Variants in CADM2 observed in about 807,000 individuals in gnomAD.
CADM2 encodes immunoglobulin superfamily member 4D.
In CADM2, 12 loss-of-function variants were observed where a neutral mutation model predicts 49.8. The observed-to-expected ratio is 0.24, with a 90% confidence interval of 0.15 to 0.39. The LOEUF is 0.39. Ranked by LOEUF, CADM2 falls within the 10% of genes least tolerant of loss-of-function variation. The pLI, the probability that CADM2 is intolerant of heterozygous loss-of-function variation, is 1.00. For synonymous variants in CADM2, 214 were observed against 175.4 expected (o/e 1.22, Z -1.74); for missense variants, 378 against 492.3 (o/e 0.77, Z 2.20).
At chr3:85,807,372 G>A (rs1214921417) in intron 3 of CADM2, among the ~76,000 whole-genome samples, 1 of 151,852 alleles carries the variant, frequency 6.6e-6, no homozygotes, top group African/African-American at 2.4e-5. Context: ...GGTGGCGGAT[G>A]CCAATAACCC....
At chr3:85,662,578 C>A (rs896386963) in intron 1 of CADM2, among the ~76,000 whole-genome samples, 1 of 152,014 alleles carries the variant, frequency 6.6e-6, no homozygotes, top group Non-Finnish European at 1.5e-5. Flanking sequence ...ACCATTCCTC[C>A]CAGATGGAGC....
rs72917433 is a variant in CADM2 at position 84,963,321 on chromosome 3, C to T, written c.61+3653C>T. Among the ~76,000 whole-genome samples the T allele has an allele frequency of 4.7e-3, 715 of 152,284 alleles. 4 individuals carry two copies. Among genetic ancestry groups the T allele is most frequent in the African/African-American group, 0.017 (688 of 41,552 alleles). On this transcript the variant is annotated intron_variant, in intron 1 of 9. Transcript: ENST00000383699. Reference sequence around the variant, plus strand: ...ACAGTAGATCCAGTTCAATTGCTAACCCTTGCTGAAACCTTATGCCTTTCC... The same window carrying T: ...ACAGTAGATCCAGTTCAATTGCTAATCCTTGCTGAAACCTTATGCCTTTCC...
chr3:85,212,873 T>TCTTTCTTTCTTTCTTTCTTTCTTTCTTC (rs2041826238), intron 1 of CADM2, among the ~76,000 whole-genome samples: 1 of 130,566 alleles, frequency 7.7e-6, no homozygotes, highest in East Asian at 2.1e-4. Flanking sequence ...TTTCTTTCTT[T>TCTTTCTTTCTTTCTTTCTTTCTTTCTTC]CTTTCTTTCT....
chr3:85,910,723 A>C (rs554380777), intron 5 of CADM2, among the ~76,000 whole-genome samples: 2 of 152,122 alleles, frequency 1.3e-5, no homozygotes, highest in African/African-American at 4.8e-5. Context: ...CCTAACATAC[A>C]TAAAACATTT....
At chr3:84,966,069 A>G (rs2030961271) in intron 1 of CADM2, among the ~76,000 whole-genome samples, 1 of 152,222 alleles carries the variant, frequency 6.6e-6, no homozygotes, top group Admixed American at 6.5e-5. Context: ...CATGTTATAC[A>G]TACTGATTTT....
chr3:85,387,459 G>A (rs2034293732), intron 1 of CADM2, among the ~76,000 whole-genome samples: 1 of 152,000 alleles, frequency 6.6e-6, no homozygotes, highest in Non-Finnish European at 1.5e-5. Flanking sequence ...TAAAGTTGGT[G>A]TTCATTTTAT....
Position 84,959,437 on chromosome 3 carries a change from G to T in CADM2, c.-171G>T, listed in dbSNP as rs912936380. On this transcript the variant is annotated 5_prime_UTR_variant, in exon 1 of 10. Coordinates refer to ENST00000383699, the MANE Select transcript of CADM2 (RefSeq NM_001167675.2). ...ATTCTGCGGGTGCTTTGCCGCTGCC[G>T]CTTCTGCTGCCGCCGATCCGAGTCC... 6.6e-6 allele frequency: 4 copies of T among 606,910 alleles called. No individual in the cohort carries two copies. In the South Asian group the frequency reaches 8.0e-5, roughly 12 times the overall value. The allele number at this position is 606,910 out of a possible 1,614,324, so 37.6% of individuals were successfully genotyped here. A position where few individuals can be genotyped will look rare whatever the true frequency, so the allele number is the denominator to read the frequency against.
At chr3:85,937,384 A>G (rs746620441) in intron 7 of CADM2, among the ~76,000 whole-genome samples, 2 of 151,874 alleles carry the variant, frequency 1.3e-5, no homozygotes, top group African/African-American at 4.8e-5. Context: ...CCTGATTACT[A>G]TCATTTTGCA....
At chr3:85,960,051 G>A (rs1359545811) in intron 7 of CADM2, among the ~76,000 whole-genome samples, 2 of 151,906 alleles carry the variant, frequency 1.3e-5, no homozygotes, top group Admixed American at 6.6e-5. Context: ...GGAGCACTAT[G>A]TTAGGAGCTG....
rs60602469 is a variant in CADM2, at chr3:85,563,411, T to TGGGGGGGG, written c.62-163104_62-163103insGGGGGGGG. 4.2e-4 allele frequency among the ~76,000 whole-genome samples: 59 copies of TGGGGGGGG among 142,070 alleles called. 1 individual carries two copies. The highest frequency in any genetic ancestry group is 3.7e-3 in the Middle Eastern group (1 of 268). The allele number at this position is 142,070 out of a possible 152,430, so 93.2% of individuals were successfully genotyped here. A position where few individuals can be genotyped will look rare whatever the true frequency, so the allele number is the denominator to read the frequency against. ...AAAACAGGGAATTTTTGTGTGTGTG[T>TGGGGGGGG]GGGGGGGTGGTAATTTAGCTAAAAT... On this transcript the variant is annotated intron_variant, in intron 1 of 9. Transcript: ENST00000383699.
intron 3 of CADM2, among the ~76,000 whole-genome samples, chr3:85,853,089 A>C (rs1323458771): frequency 6.6e-6 from 1 of 152,096 alleles, no homozygotes; most frequent in Admixed American, 6.6e-5. Flanking sequence ...ACAGTGATTT[A>C]AACAATCTTT....
chr3:85,234,267 C>T (rs191750787), intron 1 of CADM2, among the ~76,000 whole-genome samples: 11 of 152,050 alleles, frequency 7.2e-5, no homozygotes, highest in South Asian at 2.1e-4. Context: ...AACACTTAAA[C>T]GTTTATAATA....
At chr3:85,331,734 A>T (rs1426680988) in intron 1 of CADM2, among the ~76,000 whole-genome samples, 3 of 151,952 alleles carry the variant, frequency 2.0e-5, no homozygotes, top group Admixed American at 2.0e-4. Flanking sequence ...TTACATTCCC[A>T]CTAAGAATGT....
chr3:85,823,405 T>G (rs1008511546), intron 3 of CADM2, among the ~76,000 whole-genome samples: 4 of 152,136 alleles, frequency 2.6e-5, no homozygotes, highest in African/African-American at 9.6e-5. Flanking sequence ...CATCAAAATA[T>G]TTCCCTGCCA....
chr3:86,008,744 A>G (rs1480177870), intron 8 of CADM2, among the ~76,000 whole-genome samples: 3 of 152,060 alleles, frequency 2.0e-5, no homozygotes, highest in Non-Finnish European at 2.9e-5. Flanking sequence ...TATTTGACAC[A>G]GATGAATTTT....
chr3:85,458,275 C>A (rs1035847205), intron 1 of CADM2, among the ~76,000 whole-genome samples: 4 of 152,116 alleles, frequency 2.6e-5, no homozygotes, highest in Non-Finnish European at 5.9e-5. Flanking sequence ...TGCCTTACAC[C>A]ATGCCCTGCA....
intron 1 of CADM2, among the ~76,000 whole-genome samples, chr3:85,450,187 A>C (rs2037689381): frequency 6.6e-6 from 1 of 152,194 alleles, no homozygotes. Context: ...GCGTTATTTA[A>C]GGAACATGGT....
chr3:85,578,174 C>T (rs551145278), intron 1 of CADM2, among the ~76,000 whole-genome samples: 33 of 152,104 alleles, frequency 2.2e-4, no homozygotes, highest in East Asian at 3.9e-4. Flanking sequence ...CTCCACCTTC[C>T]GGTCATTTTC....
intron 1 of CADM2, among the ~76,000 whole-genome samples, chr3:85,347,610 A>T (rs1010468798): frequency 3.3e-5 from 3 of 90,050 alleles, no homozygotes; most frequent in African/African-American, 3.3e-5. Flanking sequence ...TATATATAAA[A>T]ATATATATAC....
Sources: gnomAD v4.1 joint callset for allele counts (sites outside exome capture counted in the v4.1 genomes callset) on GRCh38, gnomAD v4.1.1 for gene constraint, MANE v1.5 for transcripts, NCBI Gene and HGNC (gene_info 2026-07-23, HGNC 2026-07-21) for gene names.